TADA2A: variants seen among roughly 807,000 people sequenced by gnomAD.
TADA2A encodes the protein transcriptional adaptor 2A.
TADA2A carries 38 observed loss-of-function variants against 67.4 expected under a neutral mutation model. The observed-to-expected ratio is 0.56, with a 90% CI of 0.44 to 0.74. The LOEUF (loss-of-function observed/expected upper bound fraction) is 0.74, where lower values mean the gene tolerates loss of function less well. Among genes scored for constraint, TADA2A ranks in the 30% least tolerant of loss-of-function variants. TADA2A has a pLI of 0.00. For synonymous variants in TADA2A, 192 were observed against 181.6 expected (o/e 1.06, Z -0.46); for missense variants, 454 against 547.0 (o/e 0.83, Z 1.70).
chr17:37,417,464 A>T (rs1428929244), intron 2 of TADA2A, among the ~76,000 whole-genome samples: 2 of 152,066 alleles, frequency 1.3e-5, no homozygotes, highest in East Asian at 3.9e-4. Flanking sequence ...TGAGTCTGGG[A>T]GGGAGAGTTT....
intron 1 of TADA2A, 110 bp downstream of exon 1, chr17:37,407,059 CGCGGGCTGCGGGCCCCGGCG>C (rs1036617847): frequency 2.9e-5 from 4 of 139,106 alleles, no homozygotes; most frequent in African/African-American, 1.1e-4. Flanking sequence ...GGGGAGGAGT[CGCGGGCTGCGGGCCCCGGCG>C]GCGGGCTTGA....
intron 8 of TADA2A, chr17:37,454,792 A>G (rs1339305593): frequency 1.2e-5 from 3 of 257,808 alleles, no homozygotes; most frequent in African/African-American, 4.6e-5. Context: ...AGGCTCAATG[A>G]AAACAAGCTA....
At chr17:37,424,912 A>T (rs1769815960) in intron 3 of TADA2A, among the ~76,000 whole-genome samples, 1 of 151,654 alleles carries the variant, frequency 6.6e-6, no homozygotes, top group Non-Finnish European at 1.5e-5. Flanking sequence ...CCCAGGCTGG[A>T]GTGCAGTGGC....
At chr17:37,445,662 A>G (rs1037350058) in intron 8 of TADA2A, among the ~76,000 whole-genome samples, 3 of 152,174 alleles carry the variant, frequency 2.0e-5, no homozygotes, top group African/African-American at 4.8e-5. Flanking sequence ...AGCTGTTAAG[A>G]GTAGATAGTT....
intron 5 of TADA2A, among the ~76,000 whole-genome samples, chr17:37,439,931 TTTA>T (rs751182208): frequency 0.16 from 18,545 of 119,540 alleles, 1,452 homozygotes; most frequent in East Asian, 0.35. Context: ...TATTTATTTA[TTTA>T]TTTATTTATT....
Position 37,411,294 on chromosome 17 carries a change from G to C in TADA2A, c.-72G>C. Reference sequence around the variant, plus strand: ...GGAGTCATCAAGCTTTGGTGTATGTGTTGGCCGGTTCTGAAGTCTTGAAGA... The same window carrying C: ...GGAGTCATCAAGCTTTGGTGTATGTCTTGGCCGGTTCTGAAGTCTTGAAGA... On this transcript the variant is annotated 5_prime_UTR_variant, in exon 2 of 16. Transcript: ENST00000615182. 2.0e-6 allele frequency: 3 copies of C among 1,478,370 alleles called. No homozygotes were observed. The South Asian group carries it at 3.4e-5, about 17-fold the overall frequency. The allele number at this position is 1,478,370 out of a possible 1,614,324, so 91.6% of individuals were successfully genotyped here. A position where few individuals can be genotyped will look rare whatever the true frequency, so the allele number is the denominator to read the frequency against.
chr17:37,465,864 A>T (rs1300307360), intron 11 of TADA2A, among the ~76,000 whole-genome samples: 1 of 152,342 alleles, frequency 6.6e-6, no homozygotes, highest in East Asian at 1.9e-4. Context: ...ATCCAGCTTC[A>T]GCAGTTTTCA....
chr17:37,474,531 T>C, intron 14 of TADA2A, 25 bp from the exon 15 acceptor site: 1 of 1,609,534 alleles, frequency 6.2e-7, no homozygotes, highest in African/African-American at 1.3e-5. Context: ...ATTAAATCTA[T>C]GCTGTTTCCT....
intron 10 of TADA2A, 89 bp downstream of exon 10, chr17:37,462,210 C>A: frequency 1.1e-6 from 1 of 897,120 alleles, no homozygotes; most frequent in South Asian, 1.6e-5. Context: ...GTTCTTAATC[C>A]AAGTTGCATA....
At position 37,479,713 on chromosome 17, in the gene TADA2A, A is replaced by G. The variant is rs2053951447; in HGVS notation, c.*2731A>G. 1 of 152,232 alleles carries G rather than the reference A, an allele frequency of 6.6e-6. No homozygotes were observed. The highest frequency in any genetic ancestry group is 1.5e-5 in the Non-Finnish European group (1 of 68,044). The allele number at this position is 152,232 out of a possible 1,614,324, so 9.4% of individuals were successfully genotyped here. A position where few individuals can be genotyped will look rare whatever the true frequency, so the allele number is the denominator to read the frequency against. On this transcript the variant is annotated 3_prime_UTR_variant, in exon 16 of 16. Transcript: ENST00000615182. ...CTCTAAGTGGTGGGAAATAAAGAACAAATCTCTTTCCATGTAATGACTCTT... is the reference window on the plus strand; with the variant it reads ...CTCTAAGTGGTGGGAAATAAAGAACGAATCTCTTTCCATGTAATGACTCTT...
chr17:37,461,114 G>A (rs1205113976), intron 9 of TADA2A, among the ~76,000 whole-genome samples: 1 of 152,136 alleles, frequency 6.6e-6, no homozygotes, highest in African/African-American at 2.4e-5. Flanking sequence ...GGGCAGGAAT[G>A]GTTTTGGGAT....
At chr17:37,453,948 T>G (rs995036905) in intron 8 of TADA2A, among the ~76,000 whole-genome samples, 3 of 151,562 alleles carry the variant, frequency 2.0e-5, no homozygotes, top group Non-Finnish European at 2.9e-5. Context: ...TTTTTTGTAT[T>G]TTTTAGTAGA....
intron 2 of TADA2A, among the ~76,000 whole-genome samples, chr17:37,414,801 C>T (rs1246009893): frequency 6.6e-6 from 1 of 152,134 alleles, no homozygotes; most frequent in Non-Finnish European, 1.5e-5. Context: ...TTGTACTTAC[C>T]AACTTCATTG....
chr17:37,464,838 CAA>C (rs35664546), intron 10 of TADA2A, among the ~76,000 whole-genome samples: 139 of 119,440 alleles, frequency 1.2e-3, no homozygotes, highest in African/African-American at 2.3e-3. Context: ...GACTCCATCT[CAA>C]AAAAAAAAAA....
chr17:37,425,724 A>G (rs4795198), intron 3 of TADA2A, among the ~76,000 whole-genome samples: 21 of 151,106 alleles, frequency 1.4e-4, no homozygotes, highest in African/African-American at 3.2e-4. Context: ...TCATGGCTCA[A>G]TGCCACCTCT....
intron 8 of TADA2A, among the ~76,000 whole-genome samples, chr17:37,450,056 A>C (rs983927861): frequency 7.9e-5 from 12 of 152,176 alleles, no homozygotes; most frequent in Non-Finnish European, 1.6e-4. Context: ...AAAATACATT[A>C]ACGATAGCTG....
chr17:37,470,340 A>G (rs2053758854), intron 12 of TADA2A, 60 bp from the exon 13 acceptor site: 3 of 1,600,608 alleles, frequency 1.9e-6, no homozygotes, highest in Non-Finnish European at 2.6e-6. Flanking sequence ...TTGGTCAGTT[A>G]GGAAGCCCTT....
At position 37,476,915 on chromosome 17, in the gene TADA2A, T is replaced by C. The variant is rs769797807; in HGVS notation, c.1265T>C (p.Ile422Thr). The change falls in exon 16 of 16, where the codon ATA (isoleucine) becomes ACA (threonine). Residue 422 changes from isoleucine to threonine, a missense_variant. By Grantham distance (89) the Ile-to-Thr change is moderately conservative. Coordinates refer to ENST00000615182, the MANE Select transcript of TADA2A (RefSeq NM_001166105.3). Reference protein sequence around the residue: ...RLAQARALIKIDVNKTRKIYD... With the variant: ...RLAQARALIKTDVNKTRKIYD... ...GCGCAGGCAAGAGCACTCATCAAGATAGATGTGAACAAAACCCGGAAAATC... is the reference window on the plus strand; with the variant it reads ...GCGCAGGCAAGAGCACTCATCAAGACAGATGTGAACAAAACCCGGAAAATC... 6.2e-7 allele frequency: 1 copy of C among 1,614,120 alleles called. No homozygotes were observed.
At chr17:37,469,430 TC>T (rs1295941292) in intron 12 of TADA2A, among the ~76,000 whole-genome samples, 1 of 151,338 alleles carries the variant, frequency 6.6e-6, no homozygotes, top group Non-Finnish European at 1.5e-5. Context: ...GGTCCAGAGT[TC>T]AAGACCAGCC....
Sources: gnomAD v4.1 joint callset for allele counts (sites outside exome capture counted in the v4.1 genomes callset) on GRCh38, gnomAD v4.1.1 for gene constraint, MANE v1.5 for transcripts, NCBI Gene and HGNC (gene_info 2026-07-23, HGNC 2026-07-21) for gene names.